Variants in LCN6 observed in about 807,000 individuals in gnomAD.
LCN6 encodes epididymal-specific lipocalin-6.
A neutral mutation model predicts 21.4 loss-of-function variants in LCN6; 20 were observed. That is an observed-to-expected ratio of 0.93 (90% CI 0.66 to 1.36). LCN6 has a LOEUF of 1.36. Ranked by LOEUF, LCN6 falls within the 40% of genes most tolerant of loss-of-function variation. The pLI, the probability that LCN6 is intolerant of heterozygous loss-of-function variation, is 0.00. For missense variants in LCN6, 217 were observed against 206.6 expected (o/e 1.05, Z -0.31); for synonymous variants, 96 against 89.0 (o/e 1.08, Z -0.44).
At chr9:136,747,910 T>TTC (rs1847071110) in intron 1 of LCN6, among the ~76,000 whole-genome samples, 3 of 122,420 alleles carry the variant, frequency 2.5e-5, no homozygotes, top group Non-Finnish European at 1.7e-5. Flanking sequence ...GCCTCCAGCC[T>TTC]TCCAGCCCTA....
chr9:136,745,330 C>A, intron 3 of LCN6, 50 bp from the exon 4 acceptor site: 4 of 1,294,348 alleles, frequency 3.1e-6, no homozygotes, highest in Non-Finnish European at 4.5e-6. Context: ...CTGTATCCAT[C>A]CAGGGGCCGC....
In LCN6 at chr9:136,747,495, C is replaced by T. The variant is rs1397724943; in HGVS notation, c.159G>A (p.Met53Ile). 2.5e-6 allele frequency: 4 copies of T among 1,613,608 alleles called. No individual in the cohort carries two copies. Among genetic ancestry groups the T allele is most frequent in the Non-Finnish European group, 3.4e-6 (4 of 1,179,896 alleles). Residue 53 changes from methionine (M) to isoleucine (I), a missense_variant, in exon 2 of 7, where the codon ATG becomes ATA. Met to Ile is a conservative substitution (Grantham distance 10). Transcript: ENST00000341206. ...REKGFAMEKD[M>I]KNVVGVVVTL... is the part of the protein sequence containing the mutation. The stretch of plus-strand genomic sequence containing the variant: ...TCACCACCACCCCCACGACGTTCTT[C>T]ATGTCCTTCTCCATGGCAAAGCCCT...
Position 136,745,178 on chromosome 9 carries a change from T to C in LCN6, c.404A>G (p.Glu135Gly), listed in dbSNP as rs927002525. Residue 135 changes from glutamate (E) to glycine (G), a missense_variant, in exon 4 of 7, where the codon GAG becomes GGG. Physicochemically the swap from Glu to Gly is moderately conservative, Grantham distance 98. Coordinates refer to ENST00000341206, the MANE Select transcript of LCN6 (RefSeq NM_198946.3). Reference sequence around the variant, plus strand: ...CCGCACAGCACACTTACTGTACAGCTCCACGGTGTTGAAGGGCTCGTCCCC... The same window carrying C: ...CCGCACAGCACACTTACTGTACAGCCCCACGGTGTTGAAGGGCTCGTCCCC... Reference protein sequence around the residue: ...EFGDEPFNTVELYSLTETASQ... With the variant: ...EFGDEPFNTVGLYSLTETASQ... 5.0e-6 allele frequency: 8 copies of C among 1,608,338 alleles called. No homozygotes were observed. Among genetic ancestry groups the C allele is most frequent in the Non-Finnish European group, 6.8e-6 (8 of 1,175,386 alleles).
intron 1 of LCN6, among the ~76,000 whole-genome samples, chr9:136,747,991 TCTCCAGCC>T (rs1847072823): frequency 1.2e-5 from 1 of 81,684 alleles, no homozygotes. Context: ...AGTCTCCAGC[TCTCCAGCC>T]CTCCAGCCTC....
rs369779893 is a variant in LCN6, at chr9:136,744,311, C to A, written c.*48+28G>T. 1 of 233,944 alleles carries A rather than the reference C, an allele frequency of 4.3e-6. No homozygotes were observed. The highest frequency in any genetic ancestry group is 2.2e-5 in the African/African-American group (1 of 45,234). 14.5% of individuals were successfully genotyped at this position (233,944 alleles called of 1,614,324 possible). A position where few individuals can be genotyped will look rare whatever the true frequency, so the allele number is the denominator to read the frequency against. ...CCCACCCCCTTCCCCCAAGAGAGCC[C>A]AGGGTGAGGCTCAGGATGGCGGCTT... is the stretch of plus-strand genomic sequence containing the variant. On this transcript the variant is annotated intron_variant, in intron 6 of 6. Transcript: ENST00000341206. The surrounding 1 kb of genome is among the most constrained non-coding windows in gnomAD (Gnocchi z 4.2).
rs1243998383 is a variant in LCN6 at position 136,744,883 on chromosome 9, G to C, written c.413-142C>G. ...CTTCCAAAGCCACCTCCAGTGCAGC[G>C]AGCCTCAAGGTGGGGGAACTTGGCC... On this transcript the variant is annotated intron_variant, in intron 4 of 6. Coordinates refer to ENST00000341206, the MANE Select transcript of LCN6 (RefSeq NM_198946.3). The surrounding 1 kb of genome is among the most constrained non-coding windows in gnomAD (Gnocchi z 4.2). 1.5e-6 allele frequency: 1 copy of C among 677,980 alleles called. No homozygotes were observed. Among genetic ancestry groups the C allele is most frequent in the Middle Eastern group, 4.0e-4 (1 of 2,522 alleles). The allele number at this position is 677,980 out of a possible 1,614,324, so 42.0% of individuals were successfully genotyped here. A position where few individuals can be genotyped will look rare whatever the true frequency, so the allele number is the denominator to read the frequency against.
chr9:136,748,055 A>C (rs867730035), intron 1 of LCN6, among the ~76,000 whole-genome samples: 308 of 44,128 alleles, frequency 7.0e-3, no homozygotes, highest in Middle Eastern at 0.015. Flanking sequence ...CTCCAGTTCT[A>C]CAGCCCTCCA....
intron 2 of LCN6, 71 bp from the exon 3 acceptor site, chr9:136,745,985 A>C: frequency 7.2e-7 from 1 of 1,379,516 alleles, no homozygotes; most frequent in Non-Finnish European, 1.0e-6. Context: ...GACGGAGCTC[A>C]GGAGTCCAGG....
At position 136,744,024 on chromosome 9, in the gene LCN6, T is replaced by G. The variant is rs1053164118; in HGVS notation, c.*167A>C. ...AGTCAAAAGCATCCTTGGTTTGCTG[T>G]GGAATCGCTTTATTCTGAGCTGGTG... On this transcript the variant is annotated 3_prime_UTR_variant, in exon 7 of 7. Transcript: ENST00000341206. This position sits in a 1 kb window ranked among gnomAD's most constrained non-coding sequence, Gnocchi z 4.2. 3.9e-5 allele frequency: 6 copies of G among 152,354 alleles called. No homozygotes were observed. Among genetic ancestry groups the G allele is most frequent in the African/African-American group, 1.4e-4 (6 of 41,450 alleles). The allele number at this position is 152,354 out of a possible 1,614,324, so 9.4% of individuals were successfully genotyped here. A position where few individuals can be genotyped will look rare whatever the true frequency, so the allele number is the denominator to read the frequency against.
intron 1 of LCN6, 37 bp downstream of exon 1, chr9:136,748,357 C>G: frequency 1.3e-6 from 2 of 1,569,018 alleles, no homozygotes; most frequent in Non-Finnish European, 1.7e-6. Context: ...GGCTGGCCCC[C>G]GAGGACCAGC....
Position 136,744,888 on chromosome 9 carries a change from T to C in LCN6, c.413-147A>G. The C allele has an allele frequency of 1.5e-6, 1 of 674,484 alleles. No individual in the cohort carries two copies. Among genetic ancestry groups the C allele is most frequent in the Non-Finnish European group, 2.6e-6 (1 of 385,734 alleles). The allele number at this position is 674,484 out of a possible 1,614,324, so 41.8% of individuals were successfully genotyped here. Reference sequence around the variant, plus strand: ...AAAGCCACCTCCAGTGCAGCGAGCCTCAAGGTGGGGGAACTTGGCCTGCAT... The same window carrying C: ...AAAGCCACCTCCAGTGCAGCGAGCCCCAAGGTGGGGGAACTTGGCCTGCAT... On this transcript the variant is annotated intron_variant, in intron 4 of 6. Coordinates refer to ENST00000341206, the MANE Select transcript of LCN6 (RefSeq NM_198946.3). The surrounding 1 kb of genome is among the most constrained non-coding windows in gnomAD (Gnocchi z 4.2).
chr9:136,745,793 G>A (rs1226473086), intron 3 of LCN6, 51 bp downstream of exon 3: 1 of 1,518,732 alleles, frequency 6.6e-7, no homozygotes, highest in East Asian at 2.3e-5. Context: ...GGGGGCCTGG[G>A]GATGCTGCAG....
intron 3 of LCN6, 188 bp from the exon 4 acceptor site, chr9:136,745,468 G>T (rs2131076706): frequency 1.7e-6 from 1 of 596,152 alleles, no homozygotes; most frequent in East Asian, 2.8e-5. Context: ...CCTGGTGCCA[G>T]CATCAAGGGG....
chr9:136,746,197 G>T lies in LCN6; in HGVS notation c.231-283C>A, dbSNP rs191780850. ...GGACACAACAGGAGACTCGACAGAC[G>T]GGAGGTTCGCCCGCGACTCGGGGGA... is the stretch of plus-strand genomic sequence containing the variant. On this transcript the variant is annotated intron_variant, in intron 2 of 6. Transcript: ENST00000341206. Among the ~76,000 whole-genome samples, 481 of 151,076 alleles carry T rather than the reference G, an allele frequency of 3.2e-3. 2 individuals carry two copies. Among genetic ancestry groups the T allele is most frequent in the African/African-American group, 0.011 (449 of 41,090 alleles).
At chr9:136,746,052 C>T in intron 2 of LCN6, 138 bp from the exon 3 acceptor site, 1 of 732,140 alleles carries the variant, frequency 1.4e-6, no homozygotes. Context: ...GCCCCGATGC[C>T]CGGAAACCTG....
At chr9:136,745,725 C>T (rs1458725194) in intron 3 of LCN6, 119 bp downstream of exon 3, 2 of 875,894 alleles carry the variant, frequency 2.3e-6, no homozygotes, top group Non-Finnish European at 3.8e-6. Context: ...ATCCCAAGAC[C>T]AGAACCTGTA....
Position 136,744,826 on chromosome 9 carries a change from A to G in LCN6, c.413-85T>C. 1 of 986,618 alleles carries G rather than the reference A, an allele frequency of 1.0e-6. No homozygotes were observed. Among genetic ancestry groups the G allele is most frequent in the Admixed American group, 2.0e-5 (1 of 49,464 alleles). 61.1% of individuals were successfully genotyped at this position (986,618 alleles called of 1,614,324 possible). ...GAGGGGCTGGGAAGGGTCAGGAAGG[A>G]GGCCACCTGCCCTGGGATGCTGGCC... On this transcript the variant is annotated intron_variant, in intron 4 of 6. Coordinates refer to ENST00000341206, the MANE Select transcript of LCN6 (RefSeq NM_198946.3). This position sits in a 1 kb window ranked among gnomAD's most constrained non-coding sequence, Gnocchi z 4.2.
Position 136,748,378 on chromosome 9 carries a change from C to G in LCN6, c.90+16G>C, listed in dbSNP as rs764595821. 1.2e-6 allele frequency: 2 copies of G among 1,605,284 alleles called. No individual in the cohort carries two copies. Among genetic ancestry groups the G allele is most frequent in the Non-Finnish European group, 8.5e-7 (1 of 1,175,838 alleles). Reference sequence around the variant, plus strand: ...CCCCCGAGGACCAGCTCTCCCCACCCCCAGGAGGACTGTACCTGCTCAGGG... The same window carrying G: ...CCCCCGAGGACCAGCTCTCCCCACCGCCAGGAGGACTGTACCTGCTCAGGG... On this transcript the variant is annotated intron_variant, in intron 1 of 6. Coordinates refer to ENST00000341206, the MANE Select transcript of LCN6 (RefSeq NM_198946.3).
In LCN6 at chr9:136,744,783, A is replaced by C; in HGVS notation, c.413-42T>G. 8.8e-7 allele frequency: 1 copy of C among 1,132,448 alleles called. No individual in the cohort carries two copies. Among genetic ancestry groups the C allele is most frequent in the Non-Finnish European group, 1.3e-6 (1 of 758,952 alleles). 70.1% of individuals were successfully genotyped at this position (1,132,448 alleles called of 1,614,324 possible). A position where few individuals can be genotyped will look rare whatever the true frequency, so the allele number is the denominator to read the frequency against. ...AGTGCAGGGGGAAGCAACCTCTGAGAGCTGGGGAGGGGCCGGGGAGGGGCT... is the reference window on the plus strand; with the variant it reads ...AGTGCAGGGGGAAGCAACCTCTGAGCGCTGGGGAGGGGCCGGGGAGGGGCT... On this transcript the variant is annotated intron_variant, in intron 4 of 6. Transcript: ENST00000341206. The surrounding 1 kb of genome is among the most constrained non-coding windows in gnomAD (Gnocchi z 4.2).
Sources: gnomAD v4.1 joint callset for allele counts (sites outside exome capture counted in the v4.1 genomes callset) on GRCh38, gnomAD v4.1.1 for gene constraint, Gnocchi (gnomAD v3.1) non-coding constraint, MANE v1.5 for transcripts, NCBI Gene and HGNC (gene_info 2026-07-23, HGNC 2026-07-21) for gene names.